CIT: variants seen among roughly 807,000 people sequenced by gnomAD.
CIT encodes the protein citron Rho-interacting kinase.
Under a neutral mutation model 272.7 loss-of-function variants are expected in CIT, and 79 were observed. The observed-to-expected ratio is 0.29, with a 90% confidence interval of 0.24 to 0.35. The LOEUF (loss-of-function observed/expected upper bound fraction) is 0.35. Ranked by LOEUF, CIT falls within the 10% of genes least tolerant of loss-of-function variation. The probability of loss-of-function intolerance (pLI) is 1.00; values close to 1 mark genes in which losing one functional copy is unlikely to be tolerated. For missense variants in CIT, 1,909 were observed against 2,618.3 expected (o/e 0.73, Z 5.91); for synonymous variants, 948 against 995.6 (o/e 0.95, Z 0.90).
At chr12:119,791,129 G>C (rs905363855) in intron 10 of CIT, among the ~76,000 whole-genome samples, 1 of 152,202 alleles carries the variant, frequency 6.6e-6, no homozygotes, top group Non-Finnish European at 1.5e-5. Context: ...TAGAACCCCA[G>C]TTCAAAGCTG....
chr12:119,749,782 G>A (rs1037035639), intron 23 of CIT, among the ~76,000 whole-genome samples: 3 of 151,852 alleles, frequency 2.0e-5, no homozygotes, highest in Non-Finnish European at 2.9e-5. Flanking sequence ...AAATTAAGTC[G>A]TGACTTGCTG....
chr12:119,698,631 G>T (rs898434629), intron 44 of CIT, among the ~76,000 whole-genome samples: 1 of 151,740 alleles, frequency 6.6e-6, no homozygotes, highest in African/African-American at 2.4e-5. Flanking sequence ...ATGGAATTCT[G>T]TGCAGCTGTA....
chr12:119,786,939 C>T (rs912356063), intron 10 of CIT, among the ~76,000 whole-genome samples: 1 of 152,118 alleles, frequency 6.6e-6, no homozygotes, highest in Non-Finnish European at 1.5e-5. Flanking sequence ...CTGGGCAACA[C>T]AGCAATACCC....
chr12:119,830,141 T>C (rs151005334), intron 7 of CIT, among the ~76,000 whole-genome samples: 33 of 150,088 alleles, frequency 2.2e-4, no homozygotes, highest in African/African-American at 7.6e-4. Flanking sequence ...TGCTCTTCTA[T>C]AAGAAAAAGG....
At chr12:119,734,635 T>G (rs942382820) in intron 25 of CIT, among the ~76,000 whole-genome samples, 1 of 151,988 alleles carries the variant, frequency 6.6e-6, no homozygotes, top group African/African-American at 2.4e-5. Context: ...GATTTTGTTT[T>G]TATCTATCTT....
At chr12:119,699,008 A>G (rs1956394028) in intron 44 of CIT, among the ~76,000 whole-genome samples, 1 of 152,090 alleles carries the variant, frequency 6.6e-6, no homozygotes, top group Non-Finnish European at 1.5e-5. Flanking sequence ...TAATCCCAGC[A>G]CTTTGGGAGG....
intron 7 of CIT, among the ~76,000 whole-genome samples, chr12:119,830,992 T>C (rs893295141): frequency 6.6e-6 from 1 of 152,184 alleles, no homozygotes; most frequent in Non-Finnish European, 1.5e-5. Context: ...TGGCCTCCCA[T>C]GTGGCTGGAG....
chr12:119,812,768 T>C (rs1184416963), intron 9 of CIT, among the ~76,000 whole-genome samples: 1 of 146,878 alleles, frequency 6.8e-6, no homozygotes, highest in Non-Finnish European at 1.5e-5. Flanking sequence ...TTTTTTGAGA[T>C]GGAGTCTTGC....
At chr12:119,733,271 T>G (rs145534317) in intron 26 of CIT, among the ~76,000 whole-genome samples, 7 of 151,324 alleles carry the variant, frequency 4.6e-5, no homozygotes, top group Non-Finnish European at 5.9e-5. Flanking sequence ...GGCTCACGCT[T>G]GTAATCCCAG....
At chr12:119,839,419 C>T (rs1027389066) in intron 5 of CIT, among the ~76,000 whole-genome samples, 3 of 152,190 alleles carry the variant, frequency 2.0e-5, no homozygotes, top group East Asian at 3.9e-4. Flanking sequence ...CTGAAAGTGC[C>T]GTGAAAATGT....
Position 119,760,929 on chromosome 12 carries a change from T to C in CIT, c.2421+10A>G, listed in dbSNP as rs752679671. 4.1e-5 allele frequency: 65 copies of C among 1,588,906 alleles called. No homozygotes were observed. Among genetic ancestry groups the C allele is most frequent in the Non-Finnish European group, 4.8e-5 (55 of 1,157,172 alleles). On this transcript the variant is annotated intron_variant, in intron 20 of 47. Coordinates refer to ENST00000392521, the MANE Select transcript of CIT (RefSeq NM_001206999.2). ...CTTTGAACACTGGCTTGGCAACTCC[T>C]TCTACCTACCGCCTTCTGTTCGCTG...
intron 9 of CIT, among the ~76,000 whole-genome samples, chr12:119,818,215 G>A (rs566400829): frequency 6.6e-6 from 1 of 152,256 alleles, no homozygotes; most frequent in East Asian, 1.9e-4. Context: ...GAAGTGTTTT[G>A]AAGGAGCATA....
chr12:119,866,497 G>T (rs910445523), intron 3 of CIT, among the ~76,000 whole-genome samples: 1 of 151,938 alleles, frequency 6.6e-6, no homozygotes, highest in Non-Finnish European at 1.5e-5. Context: ...GGCTTTGTAG[G>T]CCATTTGGTC....
intron 40 of CIT, 96 bp downstream of exon 40, chr12:119,708,083 C>G: frequency 1.5e-6 from 2 of 1,293,624 alleles, no homozygotes; most frequent in Non-Finnish European, 2.0e-6. Flanking sequence ...TTTAAGTTGA[C>G]ACTATCTTGA....
At chr12:119,719,227 T>G (rs936656132) in intron 30 of CIT, among the ~76,000 whole-genome samples, 1 of 152,054 alleles carries the variant, frequency 6.6e-6, no homozygotes, top group Non-Finnish European at 1.5e-5. Context: ...AGGTCACTCT[T>G]GCCTTGGAAT....
At chr12:119,855,627 CA>C (rs1454327824) in intron 4 of CIT, among the ~76,000 whole-genome samples, 1 of 151,912 alleles carries the variant, frequency 6.6e-6, no homozygotes. Flanking sequence ...CCAAATGGCT[CA>C]GTTAAGGACC....
intron 1 of CIT, among the ~76,000 whole-genome samples, chr12:119,876,962 G>A (rs958872218): frequency 1.1e-4 from 17 of 152,218 alleles, no homozygotes; most frequent in African/African-American, 4.1e-4. Flanking sequence ...AATGCAGTTA[G>A]TGCTGACAGG....
At position 119,710,879 on chromosome 12, in the gene CIT, G is replaced by A. The variant is rs1313605045; in HGVS notation, c.4855-259C>T. ...GGCTGGGATGCAGAAATAAGGGAGG[G>A]TAGTAGACATGGAAAGCTATTCTGT... On this transcript the variant is annotated intron_variant, in intron 37 of 47. Coordinates refer to ENST00000392521, the MANE Select transcript of CIT (RefSeq NM_001206999.2). The surrounding 1 kb of genome is among the most constrained non-coding windows in gnomAD (Gnocchi z 5.6). The A allele has an allele frequency of 6.4e-6, 4 of 621,230 alleles. No homozygotes were observed. The highest frequency in any genetic ancestry group is 1.1e-5 in the Non-Finnish European group (4 of 373,702). The allele number at this position is 621,230 out of a possible 1,614,324, so 38.5% of individuals were successfully genotyped here.
At position 119,768,060 on chromosome 12, in the gene CIT, C is replaced by A. The variant is rs1356024982; in HGVS notation, c.2209-878G>T. 1.3e-5 allele frequency among the ~76,000 whole-genome samples: 2 copies of A among 152,002 alleles called. No individual in the cohort carries two copies. Among genetic ancestry groups the A allele is most frequent in the East Asian group, 1.9e-4 (1 of 5,188 alleles). ...CCAAGTAGCTGGGATTATAGGCATG[C>A]GCCACCATGCCCGGCTAATTTTTGT... On this transcript the variant is annotated intron_variant, in intron 18 of 47. Coordinates refer to ENST00000392521, the MANE Select transcript of CIT (RefSeq NM_001206999.2). This position sits in a 1 kb window ranked among gnomAD's most constrained non-coding sequence, Gnocchi z 4.3.
Sources: allele counts gnomAD v4.1 joint callset (sites outside exome capture counted in the v4.1 genomes callset), GRCh38; gene constraint gnomAD v4.1.1; non-coding constraint Gnocchi (gnomAD v3.1); transcripts MANE v1.5; gene names NCBI Gene and HGNC (gene_info 2026-07-23, HGNC 2026-07-21).